Variants in H2AC20 observed in about 807,000 individuals in gnomAD.
H2AC20 encodes the protein histone H2A type 2-C.
A neutral mutation model predicts 7.1 loss-of-function variants in H2AC20; 7 were observed. The ratio of observed to expected loss-of-function variants is 0.99; its 90% CI spans 0.56 to 1.85. The LOEUF is 1.85. Among genes scored for constraint, H2AC20 ranks in the 40% most tolerant of loss-of-function variants. The pLI is 0.00. For missense variants in H2AC20, 127 were observed against 179.6 expected (o/e 0.71, Z 1.67); for synonymous variants, 97 against 82.2 (o/e 1.18, Z -0.98).
Position 149,887,082 on chromosome 1 carries a change from C to CT in H2AC20, c.108_109insT (p.Lys37Ter). 6.2e-7 allele frequency: 1 copy of CT among 1,614,078 alleles called. No individual in the cohort carries two copies. The highest frequency in any genetic ancestry group is 1.1e-5 in the South Asian group (1 of 91,066). On this transcript the variant is annotated frameshift_variant, in exon 1 of 1. Transcript: ENST00000331380. LOFTEE classifies it high-confidence loss of function. The stretch of plus-strand genomic sequence containing the variant: ...TAGGGCGAGTGCACCGCTTGCTGCG[C>CT]AAAGGCAACTACGCGGAGCGGGTGG...
At position 149,887,235 on chromosome 1, in the gene H2AC20, C is replaced by T. The variant is rs2092307671; in HGVS notation, c.261C>T (p.Ala87=). The T allele has an allele frequency of 1.2e-6, 2 of 1,614,212 alleles. No individual in the cohort carries two copies. The highest frequency in any genetic ancestry group is 1.1e-5 in the South Asian group (1 of 91,086). ...TCATCCCTCGTCACCTCCAGCTGGC[C>T]ATCCGCAACGACGAGGAACTGAACA... ...TRIIPRHLQL[A]IRNDEELNKL... Residue 87 remains alanine, a synonymous_variant, in exon 1 of 1, where the codon GCC becomes GCT. Transcript: ENST00000331380.
At position 149,887,127 on chromosome 1, in the gene H2AC20, C is replaced by G. The variant is rs2092306574; in HGVS notation, c.153C>G (p.Tyr51Ter). 1 of 1,614,048 alleles carries G rather than the reference C, an allele frequency of 6.2e-7. No homozygotes were observed. The highest frequency in any genetic ancestry group is 1.3e-5 in the African/African-American group (1 of 74,934). ...AERVGAGAPV[Y>*]MAAVLEYLTA... ...GGGTGGGGGCCGGCGCGCCCGTCTACATGGCGGCGGTCCTCGAGTACCTGA... is the reference window on the plus strand; with the variant it reads ...GGGTGGGGGCCGGCGCGCCCGTCTAGATGGCGGCGGTCCTCGAGTACCTGA... The change falls in exon 1 of 1, where the codon TAC becomes TAG. Residue 51 changes from tyrosine to a stop codon, truncating the protein, a stop_gained. Transcript: ENST00000331380. LOFTEE classifies it high-confidence loss of function.
At position 149,886,956 on chromosome 1, in the gene H2AC20, TTTAA is replaced by T; in HGVS notation, c.-18_-15del. 1 of 1,614,198 alleles carries T rather than the reference TTTAA, an allele frequency of 6.2e-7. No homozygotes were observed. Among genetic ancestry groups the T allele is most frequent in the Non-Finnish European group, 8.5e-7 (1 of 1,180,018 alleles). On this transcript the variant is annotated 5_prime_UTR_variant, in exon 1 of 1. Transcript: ENST00000331380. ...TGCGAGGTTCTGAGCGTTGTCTGTGTTTAACCTTGATTTCAGTCATGTCTGGTCG... is the reference window on the plus strand; with the variant it reads ...TGCGAGGTTCTGAGCGTTGTCTGTGTCCTTGATTTCAGTCATGTCTGGTCG...
Position 149,887,103 on chromosome 1 carries a change from G to T in H2AC20, c.129G>T (p.Arg43=). The T allele has an allele frequency of 6.2e-7, 1 of 1,613,986 alleles. No individual in the cohort carries two copies. Among genetic ancestry groups the T allele is most frequent in the Non-Finnish European group, 8.5e-7 (1 of 1,179,924 alleles). ...RLLRKGNYAE[R]VGAGAPVYMA... ...TGCGCAAAGGCAACTACGCGGAGCGGGTGGGGGCCGGCGCGCCCGTCTACA... is the reference window on the plus strand; with the variant it reads ...TGCGCAAAGGCAACTACGCGGAGCGTGTGGGGGCCGGCGCGCCCGTCTACA... The change falls in exon 1 of 1, where the codon CGG becomes CGT. Residue 43 remains arginine (R), a synonymous_variant. Transcript: ENST00000331380.
rs1553759945 is a variant in H2AC20, at chr1:149,887,283, C to T, written c.309C>T (p.Ile103=). ...ACAAGCTGCTGGGCAAAGTCACCATCGCCCAGGGCGGCGTTTTGCCTAACA... is the reference window on the plus strand; with the variant it reads ...ACAAGCTGCTGGGCAAAGTCACCATTGCCCAGGGCGGCGTTTTGCCTAACA... ...ELNKLLGKVT[I]AQGGVLPNIQ... The change falls in exon 1 of 1, where the codon ATC becomes ATT. Residue 103 remains isoleucine (I), a synonymous_variant. Transcript: ENST00000331380. The T allele has an allele frequency of 2.5e-6, 4 of 1,614,268 alleles. No individual in the cohort carries two copies. The Admixed American group carries it at 6.7e-5, about 27-fold the overall frequency.
Position 149,887,145 on chromosome 1 carries a change from G to C in H2AC20, c.171G>C (p.Glu57Asp). The stretch of plus-strand genomic sequence containing the variant: ...CCGTCTACATGGCGGCGGTCCTCGA[G>C]TACCTGACCGCCGAGATCCTGGAGC... Reference protein sequence around the residue: ...GAPVYMAAVLEYLTAEILELA... With the variant: ...GAPVYMAAVLDYLTAEILELA... Residue 57 changes from glutamate (E) to aspartate (D), a missense_variant, in exon 1 of 1, where the codon GAG becomes GAC. Physicochemically the swap from Glu to Asp is conservative, Grantham distance 45. Coordinates refer to ENST00000331380, the MANE Select transcript of H2AC20 (RefSeq NM_003517.3). 1.2e-6 allele frequency: 2 copies of C among 1,614,164 alleles called. No individual in the cohort carries two copies. The highest frequency in any genetic ancestry group is 2.2e-5 in the East Asian group (1 of 44,856).
In H2AC20 at chr1:149,887,031, G is replaced by C. The variant is rs1025523015; in HGVS notation, c.57G>C (p.Ser19=). 6.2e-7 allele frequency: 1 copy of C among 1,614,218 alleles called. No homozygotes were observed. Among genetic ancestry groups the C allele is most frequent in the East Asian group, 2.2e-5 (1 of 44,890 alleles). The stretch of plus-strand genomic sequence containing the variant: ...CCCGCGCCAAGGCCAAGTCGCGCTC[G>C]TCCCGCGCTGGCCTCCAGTTCCCGG... ...GKARAKAKSR[S]SRAGLQFPVG... is the part of the protein sequence containing the mutation. Residue 19 remains serine, a synonymous_variant, in exon 1 of 1, where the codon TCG becomes TCC. Coordinates refer to ENST00000331380, the MANE Select transcript of H2AC20 (RefSeq NM_003517.3).
rs367544209 is a variant in H2AC20, at chr1:149,887,116, G to A, written c.142G>A (p.Ala48Thr). 3.7e-6 allele frequency: 6 copies of A among 1,613,892 alleles called. No homozygotes were observed. The African/African-American group carries it at 4.0e-5, about 11-fold the overall frequency. ...GNYAERVGAGAPVYMAAVLEY... is the reference protein window; with the variant it reads ...GNYAERVGAGTPVYMAAVLEY... Reference sequence around the variant, plus strand: ...CTACGCGGAGCGGGTGGGGGCCGGCGCGCCCGTCTACATGGCGGCGGTCCT... The same window carrying A: ...CTACGCGGAGCGGGTGGGGGCCGGCACGCCCGTCTACATGGCGGCGGTCCT... The change falls in exon 1 of 1, where the codon GCG becomes ACG. Residue 48 changes from alanine to threonine, a missense_variant. Transcript: ENST00000331380.
rs2092311443 is a variant in H2AC20, at chr1:149,887,370, G to GA, written c.*7dup. 1 of 1,609,720 alleles carries GA rather than the reference G, an allele frequency of 6.2e-7. No homozygotes were observed. The highest frequency in any genetic ancestry group is 1.1e-5 in the South Asian group (1 of 90,698). ...ACAAAGCCAAAAGCAAATAAATGCA[G>GA]ACAAACAAACCAAGACCAAAGGCTC... On this transcript the variant is annotated 3_prime_UTR_variant, in exon 1 of 1. Transcript: ENST00000331380.
Position 149,887,110 on chromosome 1 carries a change from G to T in H2AC20, c.136G>T (p.Ala46Ser). Residue 46 changes from alanine to serine, a missense_variant, in exon 1 of 1, where the codon GCC (alanine) becomes TCC (serine). By Grantham distance (99) the Ala-to-Ser change is moderately conservative. Transcript: ENST00000331380. ...RKGNYAERVG[A>S]GAPVYMAAVL... Reference sequence around the variant, plus strand: ...AGGCAACTACGCGGAGCGGGTGGGGGCCGGCGCGCCCGTCTACATGGCGGC... The same window carrying T: ...AGGCAACTACGCGGAGCGGGTGGGGTCCGGCGCGCCCGTCTACATGGCGGC... 1 of 1,614,000 alleles carries T rather than the reference G, an allele frequency of 6.2e-7. No individual in the cohort carries two copies. Among genetic ancestry groups the T allele is most frequent in the Non-Finnish European group, 8.5e-7 (1 of 1,179,950 alleles).
chr1:149,887,098 G>C lies in H2AC20; in HGVS notation c.124G>C (p.Glu42Gln), dbSNP rs1553759886. Reference protein sequence around the residue: ...HRLLRKGNYAERVGAGAPVYM... With the variant: ...HRLLRKGNYAQRVGAGAPVYM... ...CTTGCTGCGCAAAGGCAACTACGCGGAGCGGGTGGGGGCCGGCGCGCCCGT... is the reference window on the plus strand; with the variant it reads ...CTTGCTGCGCAAAGGCAACTACGCGCAGCGGGTGGGGGCCGGCGCGCCCGT... The change falls in exon 1 of 1, where the codon GAG becomes CAG. Residue 42 changes from glutamate to glutamine, a missense_variant. Physicochemically the swap from Glu to Gln is conservative, Grantham distance 29. Transcript: ENST00000331380. 1 of 1,613,990 alleles carries C rather than the reference G, an allele frequency of 6.2e-7. No homozygotes were observed. The highest frequency in any genetic ancestry group is 1.7e-5 in the Admixed American group (1 of 60,012).
In H2AC20 at chr1:149,886,971, A is replaced by T. The variant is rs781925694; in HGVS notation, c.-4A>T. 2 of 1,614,154 alleles carry T rather than the reference A, an allele frequency of 1.2e-6. No homozygotes were observed. The highest frequency in any genetic ancestry group is 2.2e-5 in the South Asian group (2 of 91,074). On this transcript the variant is annotated 5_prime_UTR_variant, in exon 1 of 1. Transcript: ENST00000331380. ...GTTGTCTGTGTTTAACCTTGATTTC[A>T]GTCATGTCTGGTCGTGGCAAACAAG...
In H2AC20 at chr1:149,886,946, G is replaced by C. The variant is rs782584395; in HGVS notation, c.-29G>C. ...CTTATTTTGTTGCGAGGTTCTGAGC[G>C]TTGTCTGTGTTTAACCTTGATTTCA... On this transcript the variant is annotated 5_prime_UTR_variant, in exon 1 of 1. Transcript: ENST00000331380. 3 of 1,614,068 alleles carry C rather than the reference G, an allele frequency of 1.9e-6. No individual in the cohort carries two copies. The highest frequency in any genetic ancestry group is 4.5e-5 in the East Asian group (2 of 44,878).
In H2AC20 at chr1:149,886,954, T is replaced by C. The variant is rs782597873; in HGVS notation, c.-21T>C. On this transcript the variant is annotated 5_prime_UTR_variant, in exon 1 of 1. Transcript: ENST00000331380. Reference sequence around the variant, plus strand: ...GTTGCGAGGTTCTGAGCGTTGTCTGTGTTTAACCTTGATTTCAGTCATGTC... The same window carrying C: ...GTTGCGAGGTTCTGAGCGTTGTCTGCGTTTAACCTTGATTTCAGTCATGTC... 3.1e-6 allele frequency: 5 copies of C among 1,614,142 alleles called. No homozygotes were observed. The highest frequency in any genetic ancestry group is 1.3e-5 in the African/African-American group (1 of 75,070).
chr1:149,887,072 G>C lies in H2AC20; in HGVS notation c.98G>C (p.Arg33Pro). The change falls in exon 1 of 1, where the codon CGC becomes CCC. Residue 33 changes from arginine to proline, a missense_variant. Coordinates refer to ENST00000331380, the MANE Select transcript of H2AC20 (RefSeq NM_003517.3). ...CAGTTCCCGGTAGGGCGAGTGCACCGCTTGCTGCGCAAAGGCAACTACGCG... is the reference window on the plus strand; with the variant it reads ...CAGTTCCCGGTAGGGCGAGTGCACCCCTTGCTGCGCAAAGGCAACTACGCG... ...GLQFPVGRVH[R>P]LLRKGNYAER... 6.2e-7 allele frequency: 1 copy of C among 1,614,080 alleles called. No homozygotes were observed.
rs1553759994 is a variant in H2AC20, at chr1:149,887,398, T to C, written c.*34T>C. On this transcript the variant is annotated 3_prime_UTR_variant, in exon 1 of 1. Coordinates refer to ENST00000331380, the MANE Select transcript of H2AC20 (RefSeq NM_003517.3). ...AAACAAACCAAGACCAAAGGCTCTT[T>C]TTAGAGCCACCCAAGTTTTCAAAAA... is the stretch of plus-strand genomic sequence containing the variant. 8.2e-6 allele frequency: 13 copies of C among 1,585,586 alleles called. No homozygotes were observed. The highest frequency in any genetic ancestry group is 1.4e-5 in the African/African-American group (1 of 73,268).
rs587763808 is a variant in H2AC20, at chr1:149,886,921, C to G, written c.-54C>G. The G allele has an allele frequency of 1.9e-6, 3 of 1,613,018 alleles. No homozygotes were observed. The highest frequency in any genetic ancestry group is 2.7e-5 in the African/African-American group (2 of 74,970). On this transcript the variant is annotated 5_prime_UTR_variant, in exon 1 of 1. It adds an upstream start codon to the 5' untranslated region. Transcript: ENST00000331380. ...GCTTTCCTCTTGGTTCTCTTTCAAT[C>G]TTATTTTGTTGCGAGGTTCTGAGCG...
In H2AC20 at chr1:149,886,965, GATTTCAGTCA is replaced by G; in HGVS notation, c.-9_1del. On this transcript the variant is annotated start_lost and 5_prime_UTR_variant, in exon 1 of 1. Coordinates refer to ENST00000331380, the MANE Select transcript of H2AC20 (RefSeq NM_003517.3). Reference sequence around the variant, plus strand: ...CTGAGCGTTGTCTGTGTTTAACCTTGATTTCAGTCATGTCTGGTCGTGGCAAACAAGGAGG... The same window carrying G: ...CTGAGCGTTGTCTGTGTTTAACCTTGTGTCTGGTCGTGGCAAACAAGGAGG... 6.2e-7 allele frequency: 1 copy of G among 1,614,158 alleles called. No individual in the cohort carries two copies. The highest frequency in any genetic ancestry group is 8.5e-7 in the Non-Finnish European group (1 of 1,180,008).
chr1:149,886,918 A>T lies in H2AC20; in HGVS notation c.-57A>T. The T allele has an allele frequency of 7.4e-6, 12 of 1,612,294 alleles. No homozygotes were observed. In the South Asian group the frequency reaches 1.1e-4, roughly 15 times the overall value. On this transcript the variant is annotated 5_prime_UTR_variant, in exon 1 of 1. Transcript: ENST00000331380. The stretch of plus-strand genomic sequence containing the variant: ...AAGGCTTTCCTCTTGGTTCTCTTTC[A>T]ATCTTATTTTGTTGCGAGGTTCTGA...
Sources: gnomAD v4.1 joint callset for allele counts on GRCh38, gnomAD v4.1.1 for gene constraint, MANE v1.5 for transcripts, NCBI Gene and HGNC (gene_info 2026-07-23, HGNC 2026-07-21) for gene names.